Variants in TIPIN observed in about 807,000 individuals in gnomAD.
The protein encoded by TIPIN is TIMELESS interacting protein.
Under a neutral mutation model 35.6 loss-of-function variants are expected in TIPIN, and 29 were observed. That is an observed-to-expected ratio of 0.82 (90% CI 0.61 to 1.11). TIPIN has a LOEUF of 1.11. Among genes scored for constraint, TIPIN ranks in the 50% most tolerant of loss-of-function variants. TIPIN has a pLI of 0.00. For missense variants in TIPIN, 296 were observed against 345.4 expected (o/e 0.86, Z 1.13); for synonymous variants, 102 against 121.5 (o/e 0.84, Z 1.06).
At chr15:66,357,595 C>CA (rs574898699), upstream of TIPIN, among the ~76,000 whole-genome samples, 3 of 63,430 alleles carry the variant, frequency 4.7e-5, no homozygotes, top group African/African-American at 2.6e-4. Flanking sequence ...GATCTTGTCG[C>CA]AAAAAAAAAA....
At chr15:66,338,333 T>C (rs1417352947) in intron 7 of TIPIN, among the ~76,000 whole-genome samples, 1 of 152,150 alleles carries the variant, frequency 6.6e-6, no homozygotes, top group African/African-American at 2.4e-5. Flanking sequence ...GAGTGATCCA[T>C]AAGAAACTTT....
chr15:66,341,515 TCC>T (rs2093087247), intron 6 of TIPIN, among the ~76,000 whole-genome samples, 159 bp from the exon 7 acceptor site: 2,837 of 4,526 alleles, frequency 0.63, 1,141 homozygotes, highest in Middle Eastern at 1. Flanking sequence ...ACGCCTGTAA[TCC>T]CAGCACTTTG....
chr15:66,340,002 T>C (rs1331940379), intron 7 of TIPIN, among the ~76,000 whole-genome samples: 2 of 150,740 alleles, frequency 1.3e-5, no homozygotes, highest in South Asian at 2.1e-4. Context: ...CCCAAGCAGC[T>C]GGGTTTACAG....
At chr15:66,366,922 C>T (rs2034442277) in intron 1 of TIPIN, 1 of 983,940 alleles carries the variant, frequency 1.0e-6, no homozygotes, top group Non-Finnish European at 1.2e-6. Context: ...TGGCTCATAC[C>T]TGTAATCCCA....
intron 1 of TIPIN, among the ~76,000 whole-genome samples, chr15:66,369,059 G>A (rs2093268284): frequency 6.6e-6 from 1 of 152,104 alleles, no homozygotes; most frequent in Non-Finnish European, 1.5e-5. Flanking sequence ...GATGAATTCA[G>A]TCTCCCACTC....
intron 1 of TIPIN, among the ~76,000 whole-genome samples, chr15:66,364,364 C>T (rs1189914591): frequency 6.6e-6 from 1 of 151,566 alleles, no homozygotes. Context: ...CGGGGTTTCA[C>T]CACGTTGGCC....
intron 6 of TIPIN, among the ~76,000 whole-genome samples, chr15:66,342,123 G>A (rs576731962): frequency 1.4e-5 from 2 of 147,822 alleles, no homozygotes; most frequent in South Asian, 4.3e-4. Context: ...CCGGGAGGCG[G>A]AGGCAGCAGT....
At chr15:66,352,323 G>C in intron 2 of TIPIN, 116 bp from the exon 3 acceptor site, 1 of 779,320 alleles carries the variant, frequency 1.3e-6, no homozygotes, top group Non-Finnish European at 2.0e-6. Flanking sequence ...TTTTGAAACA[G>C]GGTCTCACTC....
At chr15:66,359,856 C>T (rs1230713443), upstream of TIPIN, among the ~76,000 whole-genome samples, 1 of 152,186 alleles carries the variant, frequency 6.6e-6, no homozygotes, top group African/African-American at 2.4e-5. Flanking sequence ...AGAGCAGATA[C>T]TGATACTCTT....
intron 1 of TIPIN, among the ~76,000 whole-genome samples, chr15:66,354,700 T>TA (rs1157147636): frequency 6.6e-6 from 1 of 152,230 alleles, no homozygotes; most frequent in Non-Finnish European, 1.5e-5. Flanking sequence ...GAAAGAGCTA[T>TA]ATCCCTCAGG....
chr15:66,353,346 G>C (rs147445284), intron 1 of TIPIN, among the ~76,000 whole-genome samples: 9 of 151,898 alleles, frequency 5.9e-5, no homozygotes, highest in Non-Finnish European at 1.3e-4. Flanking sequence ...GGCTGGGCGC[G>C]GTGGCTCACG....
At chr15:66,356,592 T>TC in intron 1 of TIPIN, 47 bp downstream of exon 1, 1 of 985,424 alleles carries the variant, frequency 1.0e-6, no homozygotes, top group Admixed American at 6.2e-5. Context: ...CTAGTCCGAC[T>TC]CCCCTCTCCC....
chr15:66,369,153 G>C (rs564881764), intron 1 of TIPIN, among the ~76,000 whole-genome samples: 2 of 152,244 alleles, frequency 1.3e-5, no homozygotes, highest in Non-Finnish European at 2.9e-5. Flanking sequence ...ATAGAGGGGA[G>C]CAAGGATAAA....
upstream of TIPIN, among the ~76,000 whole-genome samples, chr15:66,359,176 C>G (rs71409153): frequency 3.4e-3 from 177 of 51,576 alleles, no homozygotes; most frequent in Middle Eastern, 0.026. Flanking sequence ...CACACACAGA[C>G]ACACACACAC....
chr15:66,348,874 G>A (rs554081310), intron 6 of TIPIN, among the ~76,000 whole-genome samples, 186 bp downstream of exon 6: 1 of 152,292 alleles, frequency 6.6e-6, no homozygotes, highest in Admixed American at 6.5e-5. Flanking sequence ...AAGCCCAGGA[G>A]TTGAAGGCTG....
chr15:66,339,445 CTGAA>C (rs920528100), intron 7 of TIPIN, among the ~76,000 whole-genome samples: 93 of 152,124 alleles, frequency 6.1e-4, no homozygotes, highest in African/African-American at 2.0e-3. Context: ...AAAGGAAAAA[CTGAA>C]TGGGAAATTA....
At chr15:66,371,098 C>A (rs1322708455) in intron 1 of TIPIN, 2 of 354,796 alleles carry the variant, frequency 5.6e-6, no homozygotes, top group East Asian at 3.4e-4. Context: ...GTAATACCAG[C>A]TACTCGGAAG....
In TIPIN at chr15:66,342,186, CAAAAAA is replaced by C. The variant is rs55711983; in HGVS notation, c.476-836_476-831del. ...CCTGGGCTACAGAGCAAGACTGTCT[CAAAAAA>C]AAAAAAAAAAAAAAAAGAAAGAAAC... is the stretch of plus-strand genomic sequence containing the variant. On this transcript the variant is annotated intron_variant, in intron 6 of 7. Transcript: ENST00000261881. Among the ~76,000 whole-genome samples the C allele has an allele frequency of 2.1e-3, 223 of 108,506 alleles. 2 individuals carry two copies. Among genetic ancestry groups the C allele is most frequent in the East Asian group, 0.01 (35 of 3,334 alleles). 71.2% of individuals were successfully genotyped at this position (108,506 alleles called of 152,430 possible).
chr15:66,370,838 AAAAT>A (rs1472003058), intron 1 of TIPIN, among the ~76,000 whole-genome samples: 2 of 152,190 alleles, frequency 1.3e-5, no homozygotes, highest in Non-Finnish European at 2.9e-5. Flanking sequence ...ACTTGCCACT[AAAAT>A]AAAACTGTTC....
Sources: allele counts gnomAD v4.1 joint callset (sites outside exome capture counted in the v4.1 genomes callset), GRCh38; gene constraint gnomAD v4.1.1; transcripts MANE v1.5; gene names NCBI Gene and HGNC (gene_info 2026-07-23, HGNC 2026-07-21).